The following DBX2 variants were observed in gnomAD, a reference collection of about 807,000 sequenced individuals.
DBX2 encodes homeobox protein DBX2.
Under a neutral mutation model 17.7 loss-of-function variants are expected in DBX2, and 16 were observed. The ratio of observed to expected loss-of-function variants is 0.90; its 90% CI spans 0.61 to 1.37. The LOEUF is 1.37. Among genes scored for constraint, DBX2 ranks in the 40% most tolerant of loss-of-function variants. The pLI, the probability that DBX2 is intolerant of heterozygous loss-of-function variation, is 0.00. For missense variants in DBX2, 538 were observed against 433.8 expected, an observed-to-expected ratio of 1.24 and a Z score of -2.13; for synonymous variants, 255 against 183.8, an observed-to-expected ratio of 1.39 and a Z score of -3.13.
At chr12:45,026,659 T>C (rs1268580656) in intron 2 of DBX2, among the ~76,000 whole-genome samples, 2 of 152,226 alleles carry the variant, frequency 1.3e-5, no homozygotes, top group Non-Finnish European at 2.9e-5. Flanking sequence ...TCCTTTTCTA[T>C]TTGTCTAAAA....
At chr12:45,031,444 T>C (rs904963792) in intron 2 of DBX2, among the ~76,000 whole-genome samples, 2 of 152,102 alleles carry the variant, frequency 1.3e-5, no homozygotes. Flanking sequence ...AAAAATTAAC[T>C]TTCCCTAAGC....
chr12:45,037,054 G>GTT (rs1407399439), intron 1 of DBX2, among the ~76,000 whole-genome samples: 15 of 152,172 alleles, frequency 9.9e-5, no homozygotes, highest in African/African-American at 3.1e-4. Flanking sequence ...AGTCTCATTA[G>GTT]TATAAGTTGT....
intron 2 of DBX2, among the ~76,000 whole-genome samples, chr12:45,035,808 G>C (rs902559292): frequency 6.6e-6 from 1 of 152,014 alleles, no homozygotes; most frequent in African/African-American, 2.4e-5. Flanking sequence ...GTCGGCCCTG[G>C]GTTTCAATGC....
At chr12:45,035,976 TACAGAATAACTGA>T in intron 2 of DBX2, 30 bp downstream of exon 2, 2 of 1,567,562 alleles carry the variant, frequency 1.3e-6, no homozygotes, top group Non-Finnish European at 1.7e-6. Flanking sequence ...AGCTTTGGTT[TACAGAATAACTGA>T]GGCATTGCTG....
At chr12:45,050,499 G>T (rs755709335) in intron 1 of DBX2, 26 bp downstream of exon 1, 33 of 1,544,128 alleles carry the variant, frequency 2.1e-5, no homozygotes, top group Non-Finnish European at 2.7e-5. Flanking sequence ...GGGCGCGGCT[G>T]GGGAGGGAGG....
At chr12:45,049,370 C>CT (rs1940900754) in intron 1 of DBX2, among the ~76,000 whole-genome samples, 1 of 152,176 alleles carries the variant, frequency 6.6e-6, no homozygotes, top group South Asian at 2.1e-4. Context: ...TTTGCCTTAA[C>CT]TGTTTGTTCC....
intron 3 of DBX2, among the ~76,000 whole-genome samples, chr12:45,019,682 C>T (rs775180037): frequency 3.2e-4 from 48 of 151,930 alleles, no homozygotes; most frequent in South Asian, 6.2e-4. Flanking sequence ...TTAAAATTGA[C>T]GATGGTGAAA....
intron 2 of DBX2, among the ~76,000 whole-genome samples, chr12:45,026,060 T>C (rs1946379810): frequency 6.6e-6 from 1 of 152,132 alleles, no homozygotes; most frequent in Non-Finnish European, 1.5e-5. Flanking sequence ...CTGATTTAGT[T>C]GTCCACATTT....
At chr12:45,033,047 T>A (rs961049731) in intron 2 of DBX2, among the ~76,000 whole-genome samples, 2 of 152,222 alleles carry the variant, frequency 1.3e-5, no homozygotes, top group African/African-American at 4.8e-5. Flanking sequence ...TTCCCCACTG[T>A]AAGCGTTGTG....
intron 3 of DBX2, 99 bp downstream of exon 3, chr12:45,023,608 C>A: frequency 7.2e-7 from 1 of 1,379,976 alleles, no homozygotes. Flanking sequence ...CTTAAGAAAT[C>A]AGAAGCAGTT....
Position 45,039,321 on chromosome 12 carries a change from A to G in DBX2, c.404-3207T>C, listed in dbSNP as rs868209334. On this transcript the variant is annotated intron_variant, in intron 1 of 3. Transcript: ENST00000332700. The stretch of plus-strand genomic sequence containing the variant: ...TATATATATATATATATATATATAT[A>G]TGTATCACACTTTTAACTTTAGTGA... Among the ~76,000 whole-genome samples the G allele has an allele frequency of 8.1e-3, 837 of 103,638 alleles. 16 individuals are homozygous for G. Among genetic ancestry groups the G allele is most frequent in the African/African-American group, 0.026 (770 of 29,134 alleles). The allele number at this position is 103,638 out of a possible 152,430, so 68.0% of individuals were successfully genotyped here.
intron 3 of DBX2, among the ~76,000 whole-genome samples, chr12:45,019,025 T>C (rs774717315): frequency 3.1e-4 from 47 of 151,910 alleles, no homozygotes; most frequent in Non-Finnish European, 3.1e-4. Context: ...TGGATAGAGT[T>C]TCAGTTTTAC....
At chr12:45,019,723 T>G (rs565378199) in intron 3 of DBX2, among the ~76,000 whole-genome samples, 1 of 152,040 alleles carries the variant, frequency 6.6e-6, no homozygotes, top group Non-Finnish European at 1.5e-5. Context: ...CAAAAAAGAA[T>G]GAAGTAGATC....
intron 2 of DBX2, among the ~76,000 whole-genome samples, chr12:45,027,222 G>T (rs777185329): frequency 3.3e-5 from 5 of 152,118 alleles, no homozygotes; most frequent in Non-Finnish European, 7.3e-5. Flanking sequence ...TCACATTAAG[G>T]ATCCCACAAA....
intron 1 of DBX2, among the ~76,000 whole-genome samples, chr12:45,045,257 CT>C (rs1946493516): frequency 6.6e-6 from 1 of 152,128 alleles, no homozygotes; most frequent in East Asian, 1.9e-4. Context: ...ATTAGAAAAA[CT>C]TTACTTAGAG....
chr12:45,032,964 C>T (rs534413736), intron 2 of DBX2, among the ~76,000 whole-genome samples: 24 of 152,232 alleles, frequency 1.6e-4, no homozygotes, highest in African/African-American at 4.6e-4. Context: ...AAGAACCTTG[C>T]GGTTGTAATA....
intron 2 of DBX2, among the ~76,000 whole-genome samples, chr12:45,027,390 A>G (rs914896455): frequency 6.6e-6 from 1 of 152,234 alleles, no homozygotes; most frequent in Admixed American, 6.5e-5. Flanking sequence ...TTCTGAATTC[A>G]AATTAGTGGC....
intron 2 of DBX2, among the ~76,000 whole-genome samples, chr12:45,031,057 C>T (rs1468341052): frequency 6.6e-6 from 1 of 152,110 alleles, no homozygotes; most frequent in Non-Finnish European, 1.5e-5. Context: ...GTCAATTTTC[C>T]TCAAATGGGG....
rs1251865128 is a variant in DBX2, at chr12:45,016,164, G to A, written c.*122C>T. On this transcript the variant is annotated 3_prime_UTR_variant, in exon 4 of 4. Transcript: ENST00000332700. ...CTAGAGTGGGTTTCCTAAAGCATTA[G>A]TTCATACATCGCTCCAAAGTTGTTA... is the stretch of plus-strand genomic sequence containing the variant. The A allele has an allele frequency of 2.0e-5, 22 of 1,080,252 alleles. No homozygotes were observed. Among genetic ancestry groups the A allele is most frequent in the Non-Finnish European group, 2.8e-5 (22 of 779,104 alleles). The allele number at this position is 1,080,252 out of a possible 1,614,324, so 66.9% of individuals were successfully genotyped here.
Sources: gnomAD v4.1 joint callset for allele counts (sites outside exome capture counted in the v4.1 genomes callset) on GRCh38, gnomAD v4.1.1 for gene constraint, MANE v1.5 for transcripts, NCBI Gene and HGNC (gene_info 2026-07-23, HGNC 2026-07-21) for gene names.